The following FAM53A variants were observed in gnomAD, a reference collection of about 807,000 sequenced individuals.
The protein encoded by FAM53A is protein FAM53A.
A neutral mutation model predicts 26.6 loss-of-function variants in FAM53A; 28 were observed. That is an observed-to-expected ratio of 1.05 (90% confidence interval 0.78 to 1.45). FAM53A has a LOEUF of 1.45. FAM53A is among the 40% of genes most tolerant of loss of function. The pLI is 0.00. For synonymous variants in FAM53A, 290 were observed against 253.1 expected (o/e 1.15, Z -1.38); for missense variants, 650 against 575.8 (o/e 1.13, Z -1.32).
intron 1 of FAM53A, among the ~76,000 whole-genome samples, chr4:1,634,550 A>T (rs1460648521): frequency 6.6e-6 from 1 of 152,148 alleles, no homozygotes; most frequent in Non-Finnish European, 1.5e-5. Context: ...CTCTGAACGG[A>T]ATTATGAAAG....
Position 1,655,266 on chromosome 4 carries a change from G to T in FAM53A, c.594C>A (p.Ser198Arg). The stretch of plus-strand genomic sequence containing the variant: ...GCGGGCCTGAGCCCGCACTGCCCTC[G>T]CTGCTGTCCACGAAGCCGCCGCTGG... ...SSASGGFVDS[S>R]EGSAGSGPLW... is the part of the protein sequence containing the mutation. Residue 198 changes from serine to arginine, a missense_variant, in exon 4 of 5, where the codon AGC becomes AGA. Transcript: ENST00000308132. 6.9e-7 allele frequency: 1 copy of T among 1,440,418 alleles called. No individual in the cohort carries two copies. 89.2% of individuals were successfully genotyped at this position (1,440,418 alleles called of 1,614,324 possible). A position where few individuals can be genotyped will look rare whatever the true frequency, so the allele number is the denominator to read the frequency against.
chr4:1,608,560 G>A, the FAM53A span, among the ~76,000 whole-genome samples: 1 of 152,202 alleles, frequency 6.6e-6, no homozygotes, highest in East Asian at 1.9e-4. Context: ...CCCCTGGTGG[G>A]AGGGCCCAGT....
the FAM53A span, among the ~76,000 whole-genome samples, chr4:1,594,166 C>T: frequency 6.6e-6 from 1 of 152,218 alleles, no homozygotes; most frequent in African/African-American, 2.4e-5. Flanking sequence ...TGGGCAGATT[C>T]CCTCCTTCCC....
chr4:1,671,686 G>A (rs1714672012), intron 1 of FAM53A, among the ~76,000 whole-genome samples: 1 of 152,168 alleles, frequency 6.6e-6, no homozygotes, highest in Non-Finnish European at 1.5e-5. Context: ...TGACAAGCCA[G>A]CCTCCCTCCC....
chr4:1,641,467 C>A lies in FAM53A; in HGVS notation c.1023G>T (p.Arg341Ser), dbSNP rs780429865. ...GGTGGACAGGGCTGGTCCTGAGGCC[C>A]CTCTGGCTGCAGCCAGGCATGGTGA... ...PGITMPGCSQ[R>S]GLRTSPVHPN... Residue 341 changes from arginine to serine, a missense_variant, in exon 5 of 5, where the codon AGG becomes AGT. Coordinates refer to ENST00000308132, the MANE Select transcript of FAM53A (RefSeq NM_001174070.3). 6.2e-7 allele frequency: 1 copy of A among 1,614,042 alleles called. No individual in the cohort carries two copies. The highest frequency in any genetic ancestry group is 2.2e-5 in the East Asian group (1 of 44,894).
At chr4:1,619,038 C>G (rs928869402) in intron 1 of FAM53A, among the ~76,000 whole-genome samples, 9 of 152,366 alleles carry the variant, frequency 5.9e-5, no homozygotes, top group Admixed American at 5.2e-4. Flanking sequence ...CAGGTGAGAG[C>G]TGGGGGTCCA....
rs1311913410 is a variant in FAM53A, at chr4:1,655,632, A to G, written c.228T>C (p.Ser76=). 6.3e-7 allele frequency: 1 copy of G among 1,595,736 alleles called. No individual in the cohort carries two copies. Among genetic ancestry groups the G allele is most frequent in the Non-Finnish European group, 8.5e-7 (1 of 1,171,850 alleles). Residue 76 remains serine (S), a synonymous_variant, in exon 4 of 5, where the codon TCT becomes TCC. Transcript: ENST00000308132. ...GPDFSFLPGL[S]AAAHTMGLQW... ...GAAGACCCATGGTGTGAGCGGCAGC[A>G]GACAGGCCCGGCAGGAAGGAGAAAT...
intron 1 of FAM53A, among the ~76,000 whole-genome samples, chr4:1,627,779 A>G (rs947052068): frequency 1.3e-5 from 2 of 152,018 alleles, no homozygotes; most frequent in Non-Finnish European, 1.5e-5. Context: ...TCCCAGCAGC[A>G]GCCCCACCTG....
upstream of FAM53A, among the ~76,000 whole-genome samples, chr4:1,684,615 C>T (rs975361137): frequency 1.3e-5 from 2 of 151,896 alleles, no homozygotes; most frequent in African/African-American, 2.4e-5. Flanking sequence ...CCTGTGGCGG[C>T]GGCGACCTGA....
In FAM53A at chr4:1,657,854, C is replaced by T. The variant is rs929191911; in HGVS notation, c.76-386G>A. The stretch of plus-strand genomic sequence containing the variant: ...CAGGGTTTCACCGTGTTAGCCAGGA[C>T]GGTCTCCATCTCCTGACCTCGTGAT... On this transcript the variant is annotated intron_variant, in intron 2 of 4. Coordinates refer to ENST00000308132, the MANE Select transcript of FAM53A (RefSeq NM_001174070.3). Among the ~76,000 whole-genome samples, 18 of 151,224 alleles carry T rather than the reference C, an allele frequency of 1.2e-4. 1 individual carries two copies. The highest frequency in any genetic ancestry group is 5.9e-4 in the Admixed American group (9 of 15,202).
chr4:1,586,148 G>A, the FAM53A span, among the ~76,000 whole-genome samples: 7 of 152,080 alleles, frequency 4.6e-5, no homozygotes, highest in Non-Finnish European at 8.8e-5. Flanking sequence ...GTTACAAATA[G>A]TACTATCATG....
the FAM53A span, among the ~76,000 whole-genome samples, chr4:1,601,043 C>T: frequency 6.6e-6 from 1 of 152,054 alleles, no homozygotes; most frequent in Non-Finnish European, 1.5e-5. Flanking sequence ...CGCCCAGGGC[C>T]AGCTGTCTTG....
the FAM53A span, among the ~76,000 whole-genome samples, chr4:1,604,296 T>G: frequency 6.6e-6 from 1 of 150,398 alleles, no homozygotes; most frequent in African/African-American, 2.5e-5. Context: ...GCGGCCGGAG[T>G]AGAAAGGAGA....
At chr4:1,577,693 T>C in the FAM53A span, among the ~76,000 whole-genome samples, 1 of 152,200 alleles carries the variant, frequency 6.6e-6, no homozygotes, top group Non-Finnish European at 1.5e-5. Context: ...GTATTTCCAA[T>C]GTTATAATTA....
intron 1 of FAM53A, among the ~76,000 whole-genome samples, chr4:1,620,831 G>A (rs1444400193): frequency 6.6e-6 from 1 of 152,118 alleles, no homozygotes; most frequent in Non-Finnish European, 1.5e-5. Context: ...CACGGTAGCA[G>A]CAACCACAGC....
chr4:1,621,693 C>T lies in FAM53A; in HGVS notation c.432-3582G>A, dbSNP rs991047567. Reference sequence around the variant, plus strand: ...ACTGGGGCAGTCCCCCCATCCAAGGCTGTCACAAGGTCCCTGCCTTCCCCA... The same window carrying T: ...ACTGGGGCAGTCCCCCCATCCAAGGTTGTCACAAGGTCCCTGCCTTCCCCA... On this transcript the variant is annotated intron_variant, in intron 1 of 1. Coordinates refer to the FAM53A transcript ENST00000489029. Among the ~76,000 whole-genome samples, 3 of 152,250 alleles carry T rather than the reference C, an allele frequency of 2.0e-5. No individual in the cohort carries two copies. In the South Asian group the frequency reaches 6.2e-4, roughly 32 times the overall value.
the FAM53A span, among the ~76,000 whole-genome samples, chr4:1,598,497 C>A: frequency 6.6e-6 from 1 of 152,226 alleles, no homozygotes. Context: ...AAGACAGCCA[C>A]GTTGGCACTC....
At chr4:1,685,946 G>A (rs868053848), upstream of FAM53A, among the ~76,000 whole-genome samples, 4 of 152,150 alleles carry the variant, frequency 2.6e-5, no homozygotes, top group East Asian at 1.9e-4. Context: ...AATCACAAAC[G>A]TCAGAGCTGT....
chr4:1,619,222 C>A (rs1412713152), intron 1 of FAM53A, among the ~76,000 whole-genome samples: 4 of 152,244 alleles, frequency 2.6e-5, no homozygotes, highest in African/African-American at 7.2e-5. Flanking sequence ...CAGGCTGAGG[C>A]AGGAGCTGCC....
Sources: gnomAD v4.1 joint callset for allele counts (sites outside exome capture counted in the v4.1 genomes callset) on GRCh38, gnomAD v4.1.1 for gene constraint, MANE v1.5 for transcripts, NCBI Gene and HGNC (gene_info 2026-07-23, HGNC 2026-07-21) for gene names.